The following TSPAN14 variants were observed in gnomAD, a reference collection of about 807,000 sequenced individuals.
TSPAN14 encodes tetraspanin-14.
In TSPAN14, 16 loss-of-function variants were observed where a neutral mutation model predicts 36.6. The ratio of observed to expected loss-of-function variants is 0.44; its 90% CI spans 0.30 to 0.66. TSPAN14 has a LOEUF of 0.66. Among genes scored for constraint, TSPAN14 ranks in the 30% least tolerant of loss-of-function variants. The pLI is 0.12. For synonymous variants in TSPAN14, 139 were observed against 143.8 expected (o/e 0.97, Z 0.24); for missense variants, 231 against 355.1 (o/e 0.65, Z 2.81).
intron 1 of TSPAN14, among the ~76,000 whole-genome samples, chr10:80,486,788 A>G (rs1391349821): frequency 6.6e-6 from 1 of 152,214 alleles, no homozygotes; most frequent in African/African-American, 2.4e-5. Flanking sequence ...TTTCCAGCTG[A>G]ATTGACAGTT....
At chr10:80,496,960 A>G (rs1317539343) in intron 2 of TSPAN14, among the ~76,000 whole-genome samples, 1 of 151,294 alleles carries the variant, frequency 6.6e-6, no homozygotes. Context: ...TTTTTCTCTT[A>G]TAGCTCACTT....
intron 2 of TSPAN14, among the ~76,000 whole-genome samples, chr10:80,502,761 C>T (rs1002206066): frequency 7.9e-5 from 12 of 151,882 alleles, no homozygotes; most frequent in African/African-American, 1.2e-4. Flanking sequence ...GGTATTTGAC[C>T]GGGGGCATGG....
chr10:80,519,604 C>T (rs959040192), exon 9 of TSPAN14: 1 of 150,782 alleles, frequency 6.6e-6, no homozygotes, highest in Non-Finnish European at 1.5e-5. Flanking sequence ...CTGCCAAACT[C>T]TTTTATGGAA....
At position 80,509,441 on chromosome 10, in the gene TSPAN14, G is replaced by C. The variant is rs747967950; in HGVS notation, c.420G>C (p.Leu140=). Residue 140 remains leucine, a synonymous_variant, in exon 5 of 9, where the codon CTG becomes CTC. Transcript: ENST00000429989. This position sits in a 1 kb window ranked among gnomAD's most constrained non-coding sequence, Gnocchi z 4.7. Reference sequence around the variant, plus strand: ...AGTCCTACCGGGACGATATCGATCTGCAAAACCTCATCGACTCCCTTCAGA... The same window carrying C: ...AGTCCTACCGGGACGATATCGATCTCCAAAACCTCATCGACTCCCTTCAGA... The C allele has an allele frequency of 1.2e-6, 2 of 1,614,074 alleles. No homozygotes were observed. Among genetic ancestry groups the C allele is most frequent in the Non-Finnish European group, 8.5e-7 (1 of 1,180,014 alleles).
intron 6 of TSPAN14, 129 bp from the exon 7 acceptor site, chr10:80,513,890 T>A: frequency 1.3e-6 from 1 of 768,490 alleles, no homozygotes; most frequent in Non-Finnish European, 2.2e-6. Context: ...GGTGGCATGA[T>A]TGAAGGACAT....
chr10:80,487,065 C>G, intron 1 of TSPAN14, among the ~76,000 whole-genome samples: 1 of 152,182 alleles, frequency 6.6e-6, no homozygotes, highest in East Asian at 1.9e-4. Context: ...CTATCTCTAC[C>G]TACACAAAAA....
At chr10:80,503,214 C>T (rs72819601) in intron 2 of TSPAN14, among the ~76,000 whole-genome samples, 3,391 of 152,106 alleles carry the variant, frequency 0.022, 51 homozygotes, top group Middle Eastern at 0.041. Context: ...GGAAAGGAAG[C>T]GGTCATGCAT....
intron 1 of TSPAN14, among the ~76,000 whole-genome samples, chr10:80,486,029 C>T (rs990950442): frequency 1.3e-5 from 2 of 152,184 alleles, no homozygotes; most frequent in East Asian, 1.9e-4. Flanking sequence ...CTAGTTATTC[C>T]GCAGTGTGGC....
intron 2 of TSPAN14, among the ~76,000 whole-genome samples, chr10:80,501,678 G>C (rs1848533657): frequency 6.6e-6 from 1 of 152,234 alleles, no homozygotes; most frequent in Non-Finnish European, 1.5e-5. Context: ...GGCTTGTTCT[G>C]CTCTGACCAT....
At chr10:80,472,942 C>G (rs1009135147) in intron 1 of TSPAN14, among the ~76,000 whole-genome samples, 6 of 152,252 alleles carry the variant, frequency 3.9e-5, no homozygotes, top group African/African-American at 1.4e-4. Context: ...GGAGGCAGCT[C>G]CTGAGCCGTT....
chr10:80,488,587 C>T (rs1394941374), intron 1 of TSPAN14, among the ~76,000 whole-genome samples: 1 of 152,146 alleles, frequency 6.6e-6, no homozygotes, highest in Admixed American at 6.5e-5. Context: ...CTGCAGTGGC[C>T]TTCCTCACCT....
At chr10:80,504,396 A>G (rs1840174368) in intron 2 of TSPAN14, among the ~76,000 whole-genome samples, 1 of 152,198 alleles carries the variant, frequency 6.6e-6, no homozygotes, top group Non-Finnish European at 1.5e-5. Flanking sequence ...TATACACCAG[A>G]TAGTGCACTG....
At chr10:80,495,621 C>T (rs995515634) in intron 2 of TSPAN14, among the ~76,000 whole-genome samples, 2 of 152,172 alleles carry the variant, frequency 1.3e-5, no homozygotes, top group African/African-American at 4.8e-5. Context: ...AATGCTTGCA[C>T]GTACTTTCAA....
chr10:80,468,824 T>G (rs575137197), intron 1 of TSPAN14: 13 of 151,534 alleles, frequency 8.6e-5, no homozygotes, highest in African/African-American at 2.7e-4. Flanking sequence ...TCTGCCAAAG[T>G]GCTGGGATTA....
intron 1 of TSPAN14, among the ~76,000 whole-genome samples, chr10:80,454,909 A>G (rs1262988344): frequency 6.6e-6 from 1 of 152,142 alleles, no homozygotes; most frequent in Non-Finnish European, 1.5e-5. Flanking sequence ...GGTTGTGCTC[A>G]GTCTCCCACG....
At chr10:80,494,713 G>A (rs1478543342) in intron 2 of TSPAN14, among the ~76,000 whole-genome samples, 7 of 152,188 alleles carry the variant, frequency 4.6e-5, no homozygotes, top group Admixed American at 2.6e-4. Context: ...TAGATCTTCA[G>A]ACAAATGATT....
intron 1 of TSPAN14, among the ~76,000 whole-genome samples, chr10:80,461,373 T>A (rs1367644398): frequency 1.3e-5 from 2 of 152,132 alleles, no homozygotes; most frequent in Non-Finnish European, 2.9e-5. Context: ...GGAACAGTGG[T>A]GGTGCCAGAA....
In TSPAN14 at chr10:80,508,607, G is replaced by A. The variant is rs1269266774; in HGVS notation, c.280-694G>A. Among the ~76,000 whole-genome samples, 8 of 152,258 alleles carry A rather than the reference G, an allele frequency of 5.3e-5. No homozygotes were observed. In the South Asian group the frequency reaches 1.5e-3, roughly 28 times the overall value. The stretch of plus-strand genomic sequence containing the variant: ...AGAATGCCACCACTGCTTGTGGCCT[G>A]GGGCAGCTGAGCTTCTGGAGGGGTC... On this transcript the variant is annotated intron_variant, in intron 4 of 8. Coordinates refer to ENST00000429989, the Ensembl canonical transcript of TSPAN14.
intron 1 of TSPAN14, among the ~76,000 whole-genome samples, chr10:80,461,145 A>T (rs1482042617): frequency 6.6e-6 from 1 of 151,838 alleles, no homozygotes; most frequent in Non-Finnish European, 1.5e-5. Context: ...CCTCCTGTCT[A>T]CTTGATCAGA....
Sources: gnomAD v4.1 joint callset for allele counts (sites outside exome capture counted in the v4.1 genomes callset) on GRCh38, gnomAD v4.1.1 for gene constraint, Gnocchi (gnomAD v3.1) non-coding constraint, MANE v1.5 for transcripts, NCBI Gene and HGNC (gene_info 2026-07-23, HGNC 2026-07-21) for gene names.